The following RGL1 variants were observed in gnomAD, a reference collection of about 807,000 sequenced individuals.
RGL1 encodes ral guanine nucleotide dissociation stimulator like 1, also known as ral guanine nucleotide dissociation stimulator-like 1.
A neutral mutation model predicts 95.2 loss-of-function variants in RGL1; 24 were observed. The observed-to-expected ratio is 0.25, with a 90% CI of 0.18 to 0.35. RGL1 has a LOEUF of 0.35. Ranked by LOEUF, RGL1 falls within the 10% of genes least tolerant of loss-of-function variation. RGL1 has a pLI of 1.00. For synonymous variants in RGL1, 329 were observed against 344.9 expected, an observed-to-expected ratio of 0.95 and a Z score of 0.51; for missense variants, 715 against 936.3, an observed-to-expected ratio of 0.76 and a Z score of 3.08.
intron 3 of RGL1, among the ~76,000 whole-genome samples, chr1:183,858,716 C>T (rs1352438256): frequency 3.3e-5 from 5 of 152,070 alleles, no homozygotes; most frequent in Non-Finnish European, 7.4e-5. Flanking sequence ...GAACTTAGCC[C>T]TTGATAATGC....
intron 1 of RGL1, among the ~76,000 whole-genome samples, chr1:183,731,225 G>A (rs746875460): frequency 3.3e-5 from 5 of 152,110 alleles, no homozygotes; most frequent in African/African-American, 7.2e-5. Context: ...TTTAAAGAAG[G>A]CTTAAAAATA....
chr1:183,678,668 T>C (rs11804313), intron 1 of RGL1, among the ~76,000 whole-genome samples: 12,233 of 151,906 alleles, frequency 0.081, 908 homozygotes, highest in African/African-American at 0.2. Context: ...GTGGTGTGAT[T>C]ATGGCTCACT....
At chr1:183,916,384 A>T (rs1307637881) in intron 15 of RGL1, 63 bp from the exon 16 acceptor site, 4 of 1,585,594 alleles carry the variant, frequency 2.5e-6, no homozygotes, top group Non-Finnish European at 2.6e-6. Context: ...CTGCTTTGAA[A>T]ATTGCAAAGC....
chr1:183,713,601 A>G (rs1655442848), intron 1 of RGL1, among the ~76,000 whole-genome samples: 2 of 152,050 alleles, frequency 1.3e-5, no homozygotes, highest in African/African-American at 4.8e-5. Flanking sequence ...AGGCCTTATA[A>G]AAGAGGTTCC....
intron 3 of RGL1, among the ~76,000 whole-genome samples, chr1:183,865,735 A>G (rs537037104): frequency 6.6e-6 from 1 of 152,326 alleles, no homozygotes; most frequent in East Asian, 1.9e-4. Flanking sequence ...AAAAAAGTCA[A>G]TAAATGTTAA....
intron 2 of RGL1, among the ~76,000 whole-genome samples, chr1:183,766,018 A>G (rs1353813731): frequency 1.3e-5 from 2 of 152,130 alleles, no homozygotes; most frequent in Non-Finnish European, 2.9e-5. Flanking sequence ...CCAACATGGC[A>G]CATGTATACA....
chr1:183,896,331 G>A (rs1355328165), intron 9 of RGL1, among the ~76,000 whole-genome samples: 2 of 152,204 alleles, frequency 1.3e-5, no homozygotes, highest in Non-Finnish European at 2.9e-5. Flanking sequence ...GATTACAGGC[G>A]CATGCCGCCA....
intron 2 of RGL1, among the ~76,000 whole-genome samples, chr1:183,765,979 C>T (rs746939845): frequency 3.1e-4 from 47 of 151,770 alleles, no homozygotes; most frequent in Non-Finnish European, 6.3e-4. Context: ...AGAAATAATG[C>T]TAAATGATGA....
At chr1:183,640,441 G>T (rs1472778089) in intron 1 of RGL1, among the ~76,000 whole-genome samples, 1 of 151,926 alleles carries the variant, frequency 6.6e-6, no homozygotes, top group Non-Finnish European at 1.5e-5. Context: ...TTTCATCCTG[G>T]TATCTGCAAC....
At chr1:183,901,766 G>C (rs189516039) in intron 11 of RGL1, among the ~76,000 whole-genome samples, 1 of 151,782 alleles carries the variant, frequency 6.6e-6, no homozygotes, top group African/African-American at 2.4e-5. Flanking sequence ...TGAAAACTCA[G>C]ATAAACAACT....
At chr1:183,833,639 G>C (rs1663416972) in intron 2 of RGL1, among the ~76,000 whole-genome samples, 1 of 152,140 alleles carries the variant, frequency 6.6e-6, no homozygotes, top group African/African-American at 2.4e-5. Context: ...AGAAACTCAG[G>C]CTACTATAAC....
intron 2 of RGL1, among the ~76,000 whole-genome samples, chr1:183,811,135 A>G (rs1558220797): frequency 6.6e-6 from 1 of 152,238 alleles, no homozygotes; most frequent in East Asian, 1.9e-4. Context: ...GGGGCATGGG[A>G]GCAAGAAAAA....
chr1:183,807,587 A>G (rs1661430214), intron 2 of RGL1, among the ~76,000 whole-genome samples: 1 of 152,210 alleles, frequency 6.6e-6, no homozygotes, highest in Non-Finnish European at 1.5e-5. Flanking sequence ...ATGGTGGCCC[A>G]TGGCCGGCAG....
intron 2 of RGL1, among the ~76,000 whole-genome samples, chr1:183,743,312 C>T (rs1657426151): frequency 6.6e-6 from 1 of 152,108 alleles, no homozygotes; most frequent in African/African-American, 2.4e-5. Flanking sequence ...CTGTGCCCAG[C>T]CCCAAAAGCT....
rs1384325030 is a variant in RGL1 at position 183,644,590 on chromosome 1, C to T, written c.-33+8089C>T. On this transcript the variant is annotated intron_variant, in intron 1 of 18. Coordinates refer to the RGL1 transcript ENST00000304685. ...ACAGGCAGTAGCCACCACGCCTGGC[C>T]GAATAATATTATTTTAAATTAGCAT... 2.6e-5 allele frequency among the ~76,000 whole-genome samples: 4 copies of T among 151,838 alleles called. No individual in the cohort carries two copies. In the South Asian group the frequency reaches 6.2e-4, roughly 24 times the overall value.
chr1:183,699,911 C>A (rs1466193091), intron 1 of RGL1, among the ~76,000 whole-genome samples: 1 of 152,144 alleles, frequency 6.6e-6, no homozygotes, highest in Non-Finnish European at 1.5e-5. Context: ...CATTCCTGAC[C>A]TTCCTAGGAG....
At chr1:183,754,176 T>C (rs566001686) in intron 2 of RGL1, among the ~76,000 whole-genome samples, 2 of 152,244 alleles carry the variant, frequency 1.3e-5, no homozygotes, top group Admixed American at 1.3e-4. Flanking sequence ...CTCAGCATCA[T>C]ATATAAAGAT....
chr1:183,779,608 AAGATG>A (rs1401320650), intron 2 of RGL1, among the ~76,000 whole-genome samples: 1 of 152,126 alleles, frequency 6.6e-6, no homozygotes, highest in African/African-American at 2.4e-5. Flanking sequence ...ATGAGTGTGT[AAGATG>A]ACTCTCGATG....
At chr1:183,912,534 G>A (rs1668708552) in intron 15 of RGL1, among the ~76,000 whole-genome samples, 1 of 152,176 alleles carries the variant, frequency 6.6e-6, no homozygotes, top group South Asian at 2.1e-4. Context: ...TTATTTAGGG[G>A]AAGTAGGACT....
Sources: allele counts gnomAD v4.1 joint callset (sites outside exome capture counted in the v4.1 genomes callset), GRCh38; gene constraint gnomAD v4.1.1; transcripts MANE v1.5; gene names NCBI Gene and HGNC (gene_info 2026-07-23, HGNC 2026-07-21).